The following SUCLG2 variants were observed in gnomAD, a reference collection of about 807,000 sequenced individuals.
SUCLG2 encodes succinate-CoA ligase GDP-forming subunit beta.
A neutral mutation model predicts 47.9 loss-of-function variants in SUCLG2; 42 were observed. The observed-to-expected ratio is 0.88, with a 90% CI of 0.69 to 1.14. The LOEUF (loss-of-function observed/expected upper bound fraction) is 1.14. Among genes scored for constraint, SUCLG2 ranks in the 50% most tolerant of loss-of-function variants. The probability of loss-of-function intolerance (pLI) is 0.00; values close to 1 mark genes in which losing one functional copy is unlikely to be tolerated. For missense variants in SUCLG2, 571 were observed against 525.9 expected (o/e 1.09, Z -0.84); for synonymous variants, 195 against 197.3 (o/e 0.99, Z 0.10).
At chr3:67,605,339 CCA>C (rs746591545) in intron 2 of SUCLG2, among the ~76,000 whole-genome samples, 6 of 152,098 alleles carry the variant, frequency 3.9e-5, no homozygotes, top group Non-Finnish European at 7.4e-5. Context: ...TTTGCTCTCT[CCA>C]GGTAATCTCA....
intron 10 of SUCLG2, among the ~76,000 whole-genome samples, chr3:67,395,134 C>G (rs1702491841): frequency 6.6e-6 from 1 of 151,468 alleles, no homozygotes; most frequent in Admixed American, 6.6e-5. Context: ...AAATAACCAG[C>G]TAACATCATA....
chr3:67,609,071 T>C (rs1575813608), intron 2 of SUCLG2, among the ~76,000 whole-genome samples: 1 of 152,140 alleles, frequency 6.6e-6, no homozygotes, highest in East Asian at 1.9e-4. Flanking sequence ...TCATGCAGCA[T>C]GGGTCAGGCA....
At chr3:67,623,735 G>T (rs1298988261) in intron 1 of SUCLG2, among the ~76,000 whole-genome samples, 1 of 152,156 alleles carries the variant, frequency 6.6e-6, no homozygotes, top group Admixed American at 6.6e-5. Flanking sequence ...CAGTGTGAGA[G>T]GAACAACAGC....
intron 9 of SUCLG2, among the ~76,000 whole-genome samples, chr3:67,463,187 A>T (rs1464495322): frequency 6.6e-6 from 1 of 152,262 alleles, no homozygotes; most frequent in African/African-American, 2.4e-5. Context: ...CTTCTTAACA[A>T]GGTGGCTGAA....
At chr3:67,381,389 C>T (rs1272284415) in intron 10 of SUCLG2, among the ~76,000 whole-genome samples, 1 of 152,132 alleles carries the variant, frequency 6.6e-6, no homozygotes, top group South Asian at 2.1e-4. Context: ...AAGTGTCTGA[C>T]ATCTATTCCC....
At chr3:67,376,888 CA>C (rs1702044648) in intron 10 of SUCLG2, among the ~76,000 whole-genome samples, 1 of 152,212 alleles carries the variant, frequency 6.6e-6, no homozygotes, top group African/African-American at 2.4e-5. Context: ...AAGGTGAAAG[CA>C]TAAAATGTGG....
chr3:67,569,461 G>C (rs573600299), intron 2 of SUCLG2, among the ~76,000 whole-genome samples: 1 of 152,340 alleles, frequency 6.6e-6, no homozygotes, highest in South Asian at 2.1e-4. Context: ...GGGCATGGCT[G>C]CTGCCCAAGT....
At chr3:67,432,100 T>TA (rs1703498939) in intron 9 of SUCLG2, among the ~76,000 whole-genome samples, 1 of 152,156 alleles carries the variant, frequency 6.6e-6, no homozygotes. Context: ...CAAGAGATAC[T>TA]GTTAGCAGGC....
At chr3:67,443,022 C>T (rs909231073) in intron 9 of SUCLG2, among the ~76,000 whole-genome samples, 1 of 152,144 alleles carries the variant, frequency 6.6e-6, no homozygotes, top group Admixed American at 6.5e-5. Context: ...ACGGTTTTGC[C>T]TGTGCTTAAC....
At chr3:67,636,184 G>T (rs1233347558) in intron 1 of SUCLG2, among the ~76,000 whole-genome samples, 2 of 152,060 alleles carry the variant, frequency 1.3e-5, no homozygotes, top group East Asian at 3.9e-4. Context: ...CCAAAGAAAT[G>T]GGTAAAGACT....
chr3:67,397,007 T>C (rs553210153), intron 10 of SUCLG2, among the ~76,000 whole-genome samples: 250 of 151,866 alleles, frequency 1.6e-3, no homozygotes, highest in African/African-American at 4.7e-3. Context: ...AAATTAGGTA[T>C]TGATGGGACG....
chr3:67,619,462 A>G (rs1327596067), intron 1 of SUCLG2, among the ~76,000 whole-genome samples: 1 of 152,136 alleles, frequency 6.6e-6, no homozygotes, highest in Non-Finnish European at 1.5e-5. Flanking sequence ...CCCAGTGCAC[A>G]ACCATGGGCC....
chr3:67,441,062 T>C (rs1703750561), intron 9 of SUCLG2, among the ~76,000 whole-genome samples: 1 of 152,090 alleles, frequency 6.6e-6, no homozygotes, highest in South Asian at 2.1e-4. Context: ...AAAGGATGAG[T>C]TCATGTCCTC....
At chr3:67,377,564 T>G (rs1021909334) in intron 10 of SUCLG2, among the ~76,000 whole-genome samples, 2 of 152,188 alleles carry the variant, frequency 1.3e-5, no homozygotes, top group African/African-American at 4.8e-5. Context: ...CCAAAGGGAC[T>G]CTTCACACTC....
intron 10 of SUCLG2, among the ~76,000 whole-genome samples, chr3:67,393,698 T>G (rs1702450142): frequency 6.6e-6 from 1 of 152,204 alleles, no homozygotes; most frequent in South Asian, 2.1e-4. Context: ...GCTGGAGATC[T>G]GAGAACGGGC....
chr3:67,373,210 CTTCT>C (rs1322478532), downstream of SUCLG2, among the ~76,000 whole-genome samples: 1 of 151,690 alleles, frequency 6.6e-6, no homozygotes, highest in Non-Finnish European at 1.5e-5. Flanking sequence ...AATAATATTC[CTTCT>C]AATTTTTATC....
At chr3:67,522,946 G>A (rs1706156985) in intron 4 of SUCLG2, among the ~76,000 whole-genome samples, 1 of 151,828 alleles carries the variant, frequency 6.6e-6, no homozygotes, top group Non-Finnish European at 1.5e-5. Flanking sequence ...TTACAGGCAT[G>A]AGCCACCGTG....
intron 4 of SUCLG2, among the ~76,000 whole-genome samples, chr3:67,525,477 A>AT (rs200273521): frequency 0.016 from 2,410 of 152,322 alleles, 64 homozygotes; most frequent in African/African-American, 0.055. Context: ...CCAAAGAAAT[A>AT]TGCCCAGCTG....
chr3:67,512,600 C>T (rs1705826699), intron 6 of SUCLG2, among the ~76,000 whole-genome samples: 1 of 151,076 alleles, frequency 6.6e-6, no homozygotes, highest in African/African-American at 2.5e-5. Context: ...AATCCAGCTA[C>T]TTCAAAACTT....
Sources: allele counts gnomAD v4.1 joint callset (sites outside exome capture counted in the v4.1 genomes callset), GRCh38; gene constraint gnomAD v4.1.1; transcripts MANE v1.5; gene names NCBI Gene and HGNC (gene_info 2026-07-23, HGNC 2026-07-21).